The following TRERF1 variants were observed in gnomAD, a reference collection of about 807,000 sequenced individuals.
The protein encoded by TRERF1 is transcriptional-regulating factor 1.
In TRERF1, 27 loss-of-function variants were observed where a neutral mutation model predicts 122.9. That is an observed-to-expected ratio of 0.22 (90% CI 0.16 to 0.30). TRERF1 has a LOEUF of 0.30. Among genes scored for constraint, TRERF1 ranks in the 10% least tolerant of loss-of-function variants. TRERF1 has a pLI of 1.00. For missense variants in TRERF1, 1,248 were observed against 1,560.3 expected, an observed-to-expected ratio of 0.80 and a Z score of 3.37; for synonymous variants, 636 against 641.7, an observed-to-expected ratio of 0.99 and a Z score of 0.13.
At chr6:42,243,221 A>G (rs372651822) in intron 15 of TRERF1, 27 bp downstream of exon 15, 15 of 1,596,108 alleles carry the variant, frequency 9.4e-6, no homozygotes, top group Non-Finnish European at 1.3e-5. Context: ...GTCCCAGCAC[A>G]AGCAACAACT....
chr6:42,236,133 A>T, intron 16 of TRERF1, 72 bp downstream of exon 16: 3 of 1,497,334 alleles, frequency 2.0e-6, no homozygotes, highest in Non-Finnish European at 8.9e-7. Flanking sequence ...AAAATACATC[A>T]TCTCTTAAAG....
intron 2 of TRERF1, among the ~76,000 whole-genome samples, chr6:42,372,402 T>C (rs1266880549): frequency 6.6e-6 from 1 of 152,126 alleles, no homozygotes; most frequent in East Asian, 1.9e-4. Flanking sequence ...GGGACAGTTC[T>C]TTCCAATGGA....
At chr6:42,378,456 T>A (rs183900566) in intron 2 of TRERF1, among the ~76,000 whole-genome samples, 229 of 152,324 alleles carry the variant, frequency 1.5e-3, no homozygotes, top group African/African-American at 5.1e-3. Flanking sequence ...TTTACTTTTT[T>A]AAACTGTCAC....
In TRERF1 at chr6:42,325,093, G is replaced by A. The variant is rs188032411; in HGVS notation, c.-370-24344C>T. Among the ~76,000 whole-genome samples, 715 of 152,216 alleles carry A rather than the reference G, an allele frequency of 4.7e-3. 7 individuals carry two copies. The highest frequency in any genetic ancestry group is 0.017 in the African/African-American group (687 of 41,534). ...ATAACCCCACTAAAAAGTGGGCAAA[G>A]GCCATGAACAGACACTTCTCAAAGG... On this transcript the variant is annotated intron_variant, in intron 3 of 17. Transcript: ENST00000372922.
intron 15 of TRERF1, among the ~76,000 whole-genome samples, chr6:42,238,179 A>T (rs540165022): frequency 6.6e-6 from 1 of 152,360 alleles, no homozygotes; most frequent in South Asian, 2.1e-4. Flanking sequence ...CTCAAACATT[A>T]AGTAGCCCAT....
intron 3 of TRERF1, among the ~76,000 whole-genome samples, chr6:42,344,002 C>G (rs910597060): frequency 2.0e-5 from 3 of 152,204 alleles, no homozygotes; most frequent in African/African-American, 7.2e-5. Flanking sequence ...CCCCAACCAT[C>G]CCTTGGCCCC....
chr6:42,429,071 GT>G (rs1215063159), intron 2 of TRERF1, among the ~76,000 whole-genome samples: 1 of 152,192 alleles, frequency 6.6e-6, no homozygotes, highest in Admixed American at 6.5e-5. Flanking sequence ...CTGGGTGAAT[GT>G]TACTGAACAA....
chr6:42,285,320 G>C (rs1346451490), intron 4 of TRERF1, among the ~76,000 whole-genome samples: 26 of 152,200 alleles, frequency 1.7e-4, no homozygotes, highest in Non-Finnish European at 1.5e-4. Context: ...TGTGATTTTT[G>C]TACATTGATT....
At chr6:42,408,351 G>T (rs1780601146) in intron 2 of TRERF1, among the ~76,000 whole-genome samples, 1 of 119,714 alleles carries the variant, frequency 8.4e-6, no homozygotes, top group Admixed American at 1.0e-4. Context: ...ACGTGTGTGT[G>T]TGTGTATATA....
At chr6:42,315,029 C>A (rs1762260216) in intron 3 of TRERF1, among the ~76,000 whole-genome samples, 1 of 152,146 alleles carries the variant, frequency 6.6e-6, no homozygotes, top group African/African-American at 2.4e-5. Flanking sequence ...ACGTTCACAG[C>A]AGTGGTGACA....
chr6:42,362,887 AG>A (rs1772032161), intron 3 of TRERF1, 109 bp downstream of exon 3: 1 of 153,818 alleles, frequency 6.5e-6, no homozygotes, highest in South Asian at 2.1e-4. Context: ...GGCCCAGAGC[AG>A]CCCTCCTCCA....
chr6:42,304,994 C>G (rs982459226), intron 3 of TRERF1, among the ~76,000 whole-genome samples: 1 of 152,206 alleles, frequency 6.6e-6, no homozygotes, highest in Non-Finnish European at 1.5e-5. Context: ...TGAACAGCTA[C>G]TATATCCCAA....
chr6:42,359,055 T>G (rs1035269844), intron 3 of TRERF1, among the ~76,000 whole-genome samples: 6 of 152,160 alleles, frequency 3.9e-5, no homozygotes, highest in African/African-American at 1.4e-4. Context: ...GCACCCTACA[T>G]GCTCACCCCT....
chr6:42,235,610 T>C (rs979413801), intron 16 of TRERF1, among the ~76,000 whole-genome samples: 5 of 152,228 alleles, frequency 3.3e-5, no homozygotes, highest in Non-Finnish European at 7.3e-5. Flanking sequence ...CCTGTTTATA[T>C]GATTAATTTA....
At chr6:42,428,612 T>C (rs1372760501) in intron 2 of TRERF1, among the ~76,000 whole-genome samples, 1 of 152,218 alleles carries the variant, frequency 6.6e-6, no homozygotes, top group African/African-American at 2.4e-5. Flanking sequence ...CCTATCCCCA[T>C]AGTGATCCAA....
chr6:42,284,546 T>A (rs1582810187), intron 4 of TRERF1, among the ~76,000 whole-genome samples: 2 of 152,242 alleles, frequency 1.3e-5, no homozygotes, highest in African/African-American at 4.8e-5. Context: ...CTTCTCTTTC[T>A]TTTTTGCATT....
At chr6:42,396,405 A>G (rs1436217990) in intron 2 of TRERF1, among the ~76,000 whole-genome samples, 1 of 152,184 alleles carries the variant, frequency 6.6e-6, no homozygotes, top group Non-Finnish European at 1.5e-5. Flanking sequence ...TTGAAGGCAA[A>G]TAAAAGTGAG....
At chr6:42,431,153 A>C (rs939439435) in intron 2 of TRERF1, among the ~76,000 whole-genome samples, 3 of 152,102 alleles carry the variant, frequency 2.0e-5, no homozygotes, top group African/African-American at 7.2e-5. Context: ...TTTTTTCTTG[A>C]GAGTGCAAAA....
chr6:42,436,810 AAAAAATATATATATATAT>A (rs1203807882), intron 2 of TRERF1, among the ~76,000 whole-genome samples: 7 of 102,266 alleles, frequency 6.8e-5, no homozygotes, highest in Admixed American at 2.3e-4. Context: ...CAAAAAAAAA[AAAAAATATATATATATAT>A]ATATATATAT....
Sources: gnomAD v4.1 joint callset for allele counts (sites outside exome capture counted in the v4.1 genomes callset) on GRCh38, gnomAD v4.1.1 for gene constraint, MANE v1.5 for transcripts, NCBI Gene and HGNC (gene_info 2026-07-23, HGNC 2026-07-21) for gene names.